The following APBB1IP variants were observed in gnomAD, a reference collection of about 807,000 sequenced individuals.
The protein encoded by APBB1IP is amyloid beta A4 precursor protein-binding family B member 1-interacting protein.
In APBB1IP, 27 loss-of-function variants were observed where a neutral mutation model predicts 64.9. The ratio of observed to expected loss-of-function variants is 0.42; its 90% CI spans 0.31 to 0.57. APBB1IP has a LOEUF of 0.57. APBB1IP is among the 20% of genes least tolerant of loss of function. APBB1IP has a pLI of 0.20. For synonymous variants in APBB1IP, 392 were observed against 331.0 expected (o/e 1.18, Z -2.00); for missense variants, 812 against 845.5 (o/e 0.96, Z 0.49).
intron 8 of APBB1IP, among the ~76,000 whole-genome samples, chr10:26,517,006 C>T (rs1836340070): frequency 6.6e-6 from 1 of 152,182 alleles, no homozygotes; most frequent in South Asian, 2.1e-4. Flanking sequence ...GCTATTTTCT[C>T]GCCCCGAAAT....
intron 2 of APBB1IP, among the ~76,000 whole-genome samples, chr10:26,452,202 G>C (rs1401160482): frequency 6.6e-6 from 1 of 152,144 alleles, no homozygotes; most frequent in South Asian, 2.1e-4. Flanking sequence ...ACCTTAAAAA[G>C]GTGTTCCAGT....
At chr10:26,554,716 G>A (rs1325195702) in intron 11 of APBB1IP, among the ~76,000 whole-genome samples, 1 of 152,036 alleles carries the variant, frequency 6.6e-6, no homozygotes, top group Non-Finnish European at 1.5e-5. Context: ...CAAGTAGCTG[G>A]GACTACAGGT....
chr10:26,468,866 T>C (rs703006), intron 2 of APBB1IP, among the ~76,000 whole-genome samples: 16,747 of 152,196 alleles, frequency 0.11, 1,133 homozygotes, highest in East Asian at 0.16. Context: ...TGTTGCACCT[T>C]CTGTGGCTCC....
intron 11 of APBB1IP, among the ~76,000 whole-genome samples, chr10:26,550,016 A>T (rs1289916024): frequency 4.0e-5 from 6 of 149,302 alleles, no homozygotes; most frequent in Non-Finnish European, 7.4e-5. Flanking sequence ...TTCTGGGTAC[A>T]GTATTCTTGG....
intron 6 of APBB1IP, among the ~76,000 whole-genome samples, chr10:26,506,503 C>G (rs1013511226): frequency 4.6e-5 from 7 of 152,170 alleles, no homozygotes; most frequent in Non-Finnish European, 8.8e-5. Flanking sequence ...CCACTTCAGC[C>G]TGTCAAAGTT....
chr10:26,453,985 A>G (rs1835493687), intron 2 of APBB1IP, among the ~76,000 whole-genome samples: 1 of 152,242 alleles, frequency 6.6e-6, no homozygotes, highest in South Asian at 2.1e-4. Context: ...GTGAATGGGT[A>G]AAGAAAATAT....
chr10:26,469,210 A>T (rs1835685235), intron 2 of APBB1IP, among the ~76,000 whole-genome samples: 1 of 139,598 alleles, frequency 7.2e-6, no homozygotes, highest in African/African-American at 2.7e-5. Flanking sequence ...TTATATCCTT[A>T]TTCTATTTAT....
intron 2 of APBB1IP, among the ~76,000 whole-genome samples, chr10:26,461,598 T>C (rs1835593042): frequency 1.3e-5 from 2 of 152,040 alleles, no homozygotes; most frequent in South Asian, 4.2e-4. Context: ...GACTTTCTTT[T>C]CTTTTTTATA....
chr10:26,462,733 C>A (rs1835607209), intron 2 of APBB1IP, among the ~76,000 whole-genome samples: 1 of 152,084 alleles, frequency 6.6e-6, no homozygotes, highest in South Asian at 2.1e-4. Flanking sequence ...TTGTTGCTGT[C>A]ATCTTAAATC....
At chr10:26,559,122 T>C (rs1836933961) in intron 11 of APBB1IP, among the ~76,000 whole-genome samples, 1 of 152,190 alleles carries the variant, frequency 6.6e-6, no homozygotes, top group Non-Finnish European at 1.5e-5. Context: ...ATTAATTCTA[T>C]GACATAAGAA....
intron 11 of APBB1IP, among the ~76,000 whole-genome samples, chr10:26,545,792 C>CA (rs1564374900): frequency 8.1e-5 from 7 of 86,380 alleles, no homozygotes; most frequent in East Asian, 7.2e-4. Flanking sequence ...CAAAAAAAAA[C>CA]CACAAAAATT....
chr10:26,528,631 A>G (rs1836509746), intron 8 of APBB1IP, among the ~76,000 whole-genome samples: 1 of 152,124 alleles, frequency 6.6e-6, no homozygotes, highest in Non-Finnish European at 1.5e-5. Flanking sequence ...TGTGATAGCA[A>G]CCTTCTTAAG....
intron 2 of APBB1IP, among the ~76,000 whole-genome samples, chr10:26,486,177 T>A (rs1341774467): frequency 6.6e-6 from 1 of 152,174 alleles, no homozygotes; most frequent in African/African-American, 2.4e-5. Context: ...GCCTGAACGC[T>A]CTCCACTTCA....
At chr10:26,559,401 CAA>C (rs35531284) in intron 11 of APBB1IP, among the ~76,000 whole-genome samples, 89 of 141,804 alleles carry the variant, frequency 6.3e-4, no homozygotes, top group Admixed American at 1.0e-3. Flanking sequence ...CCAATTCTAC[CAA>C]AAAAAAAAAC....
At chr10:26,562,238 A>T in intron 13 of APBB1IP, 88 bp from the exon 14 acceptor site, 3 of 992,656 alleles carry the variant, frequency 3.0e-6, no homozygotes, top group Middle Eastern at 2.1e-4. Flanking sequence ...TGCTTTAGAG[A>T]TGCAAACTGC....
intron 2 of APBB1IP, among the ~76,000 whole-genome samples, chr10:26,488,977 C>T (rs1267631875): frequency 6.6e-6 from 1 of 152,174 alleles, no homozygotes; most frequent in African/African-American, 2.4e-5. Flanking sequence ...AAGAAATGTG[C>T]TAGTTCAATG....
At position 26,555,613 on chromosome 10, in the gene APBB1IP, G is replaced by C. The variant is rs79847146; in HGVS notation, c.1156-4492G>C. On this transcript the variant is annotated intron_variant, in intron 11 of 14. Coordinates refer to ENST00000376236, the MANE Select transcript of APBB1IP (RefSeq NM_019043.4). ...TCCTCTTTTTGTTGTTTTTTTGTTT[G>C]TTTGTTTGAGGTAGGGTCTCCTCCA... 6.1e-3 allele frequency among the ~76,000 whole-genome samples: 932 copies of C among 151,982 alleles called. 17 individuals are homozygous for C. The highest frequency in any genetic ancestry group is 0.056 in the South Asian group (268 of 4,810).
chr10:26,541,410 T>G (rs1588612191), intron 10 of APBB1IP, among the ~76,000 whole-genome samples, 172 bp from the exon 11 acceptor site: 1 of 152,202 alleles, frequency 6.6e-6, no homozygotes, highest in Non-Finnish European at 1.5e-5. Flanking sequence ...CATTCCAACC[T>G]TTCAGACTTG....
chr10:26,510,734 T>TCTCTCTCACACACA lies in APBB1IP; in HGVS notation c.532-1012_532-1011insTCTCTCACACACAC, dbSNP rs375916170. Reference sequence around the variant, plus strand: ...CTAGGCAACAGAGCAAGACCCTGTCTCACACACACACACACACACACACAC... The same window carrying TCTCTCTCACACACA: ...CTAGGCAACAGAGCAAGACCCTGTCTCTCTCTCACACACACACACACACACACACACACACACAC... On this transcript the variant is annotated intron_variant, in intron 6 of 14. Transcript: ENST00000376236. 7.2e-3 allele frequency among the ~76,000 whole-genome samples: 974 copies of TCTCTCTCACACACA among 135,950 alleles called. 4 individuals are homozygous for TCTCTCTCACACACA. Among genetic ancestry groups the TCTCTCTCACACACA allele is most frequent in the East Asian group, 0.023 (104 of 4,556 alleles). 89.2% of individuals were successfully genotyped at this position (135,950 alleles called of 152,430 possible). A position where few individuals can be genotyped will look rare whatever the true frequency, so the allele number is the denominator to read the frequency against.
Sources: gnomAD v4.1 joint callset for allele counts (sites outside exome capture counted in the v4.1 genomes callset) on GRCh38, gnomAD v4.1.1 for gene constraint, MANE v1.5 for transcripts, NCBI Gene and HGNC (gene_info 2026-07-23, HGNC 2026-07-21) for gene names.